The following ERICH5 variants were observed in gnomAD, a reference collection of about 807,000 sequenced individuals.
ERICH5 encodes the protein glutamate rich 5, also known as glutamate-rich protein 5.
A neutral mutation model predicts 28.0 loss-of-function variants in ERICH5; 24 were observed. That is an observed-to-expected ratio of 0.86 (90% CI 0.62 to 1.21). The LOEUF is 1.21. Ranked by LOEUF, ERICH5 falls within the 50% of genes most tolerant of loss-of-function variation. The probability of loss-of-function intolerance (pLI) is 0.00; values close to 1 mark genes in which losing one functional copy is unlikely to be tolerated. For synonymous variants in ERICH5, 163 were observed against 157.6 expected (o/e 1.03, Z -0.25); for missense variants, 421 against 441.2 (o/e 0.95, Z 0.41).
At chr8:98,082,395 CA>C (rs1229495978) in intron 1 of ERICH5, among the ~76,000 whole-genome samples, 1 of 152,078 alleles carries the variant, frequency 6.6e-6, no homozygotes, top group Non-Finnish European at 1.5e-5. Context: ...CCTGTAATCC[CA>C]ACACTTCAGG....
In ERICH5 at chr8:98,073,488, ATATATATATATATATATATATATATATG is replaced by A. The variant is rs1563753504; in HGVS notation, c.58+8789_58+8816del. 9.2e-3 allele frequency among the ~76,000 whole-genome samples: 23 copies of A among 2,502 alleles called. 2 individuals carry two copies. Among genetic ancestry groups the A allele is most frequent in the African/African-American group, 0.026 (17 of 650 alleles). The allele number at this position is 2,502 out of a possible 152,430, so 1.6% of individuals were successfully genotyped here. ...TATATATATATATATATATATATGT[ATATATATATATATATATATATATATATG>A]TATATATATATATATATATATATAT... On this transcript the variant is annotated intron_variant, in intron 1 of 2. Coordinates refer to ENST00000318528, the MANE Select transcript of ERICH5 (RefSeq NM_173549.3).
chr8:98,084,318 C>T (rs1212698217), intron 1 of ERICH5, among the ~76,000 whole-genome samples: 1 of 152,114 alleles, frequency 6.6e-6, no homozygotes, highest in Non-Finnish European at 1.5e-5. Flanking sequence ...TCCTATTTGC[C>T]CTGTGTCACT....
At position 98,089,210 on chromosome 8, in the gene ERICH5, C is replaced by A; in HGVS notation, c.193C>A (p.Leu65Ile). 6.2e-7 allele frequency: 1 copy of A among 1,614,092 alleles called. No individual in the cohort carries two copies. The highest frequency in any genetic ancestry group is 2.2e-5 in the East Asian group (1 of 44,886). The stretch of plus-strand genomic sequence containing the variant: ...GGAAAGCCGTCCTCCCTTACAAAAG[C>A]TCAAGGTTTCAGCAGAGCCTACAGC... Reference protein sequence around the residue: ...QRESRPPLQKLKVSAEPTANG... With the variant: ...QRESRPPLQKIKVSAEPTANG... The change falls in exon 2 of 3, where the codon CTC becomes ATC. Residue 65 changes from leucine to isoleucine, a missense_variant. Coordinates refer to ENST00000318528, the MANE Select transcript of ERICH5 (RefSeq NM_173549.3).
intron 2 of ERICH5, among the ~76,000 whole-genome samples, chr8:98,092,777 CTT>C (rs1038008713): frequency 3.4e-4 from 48 of 139,778 alleles, no homozygotes; most frequent in Admixed American, 5.8e-4. Context: ...TTTTCTTTTC[CTT>C]TTTTTTTTTT....
chr8:98,086,766 T>C (rs1194738706), intron 1 of ERICH5, among the ~76,000 whole-genome samples: 3 of 151,898 alleles, frequency 2.0e-5, no homozygotes, highest in Non-Finnish European at 2.9e-5. Context: ...CTGGCTAACA[T>C]GGTGAAACCC....
At chr8:98,074,843 A>C (rs181146925) in intron 1 of ERICH5, among the ~76,000 whole-genome samples, 9 of 152,266 alleles carry the variant, frequency 5.9e-5, no homozygotes, top group Non-Finnish European at 1.0e-4. Flanking sequence ...ACTAAAGTCC[A>C]TGCTTTAGTC....
In ERICH5 at chr8:98,091,881, TTTC is replaced by T. The variant is rs1350643922; in HGVS notation, c.1013-1337_1013-1335del. ...CTTTCTTTCTTTCTTTCTTTCTTTC[TTTC>T]TTTCTTTCTTTCTTTCCTTTCTTTC... On this transcript the variant is annotated intron_variant, in intron 2 of 2. Coordinates refer to ENST00000318528, the MANE Select transcript of ERICH5 (RefSeq NM_173549.3). 8.5e-5 allele frequency among the ~76,000 whole-genome samples: 8 copies of T among 93,962 alleles called. No individual in the cohort carries two copies. The East Asian group carries it at 1.3e-3, about 15-fold the overall frequency. The allele number at this position is 93,962 out of a possible 152,430, so 61.6% of individuals were successfully genotyped here. A position where few individuals can be genotyped will look rare whatever the true frequency, so the allele number is the denominator to read the frequency against.
At chr8:98,071,543 A>G (rs562233260) in intron 1 of ERICH5, among the ~76,000 whole-genome samples, 3 of 152,136 alleles carry the variant, frequency 2.0e-5, no homozygotes, top group Admixed American at 2.0e-4. Context: ...CAATGGTGCA[A>G]TCATAGCTCA....
intron 1 of ERICH5, among the ~76,000 whole-genome samples, chr8:98,088,828 C>A (rs1815326522): frequency 6.6e-6 from 1 of 152,138 alleles, no homozygotes; most frequent in African/African-American, 2.4e-5. Flanking sequence ...GCACAAGGAG[C>A]AAACAGGAGA....
At chr8:98,064,945 C>G (rs910850621) in intron 1 of ERICH5, among the ~76,000 whole-genome samples, 15 of 152,322 alleles carry the variant, frequency 9.8e-5, no homozygotes, top group Non-Finnish European at 2.1e-4. Flanking sequence ...GTGCGCTCCG[C>G]GGCGCTCGCT....
intron 1 of ERICH5, among the ~76,000 whole-genome samples, chr8:98,079,151 CTCTTTTTTTTTT>C (rs1815119123): frequency 8.4e-6 from 1 of 119,268 alleles, no homozygotes; most frequent in Admixed American, 9.4e-5. Flanking sequence ...CCACATTTTC[CTCTTTTTTTTTT>C]TCCTTTTTTT....
At chr8:98,091,848 C>CTT (rs1815393511) in intron 2 of ERICH5, among the ~76,000 whole-genome samples, 1 of 77,942 alleles carries the variant, frequency 1.3e-5, no homozygotes, top group Non-Finnish European at 2.6e-5. Context: ...TTCTTTCTTT[C>CTT]TTTCTTTCTT....
chr8:98,076,242 C>T (rs576402551), intron 1 of ERICH5, among the ~76,000 whole-genome samples: 4 of 152,066 alleles, frequency 2.6e-5, no homozygotes, highest in East Asian at 1.9e-4. Context: ...TTTGTACAGA[C>T]GGGATTTCAC....
intron 1 of ERICH5, among the ~76,000 whole-genome samples, chr8:98,079,433 C>G (rs2130521066): frequency 6.6e-6 from 1 of 152,076 alleles, no homozygotes; most frequent in African/African-American, 2.4e-5. Flanking sequence ...GAAATCAAAG[C>G]CAGCAAACAG....
intron 1 of ERICH5, among the ~76,000 whole-genome samples, chr8:98,071,630 A>G (rs1814921009): frequency 6.6e-6 from 1 of 152,114 alleles, no homozygotes; most frequent in African/African-American, 2.4e-5. Flanking sequence ...GGCATGACCC[A>G]CTGTGCCCCA....
intron 1 of ERICH5, among the ~76,000 whole-genome samples, chr8:98,087,258 GA>G (rs1160408074): frequency 5.3e-5 from 8 of 151,950 alleles, no homozygotes; most frequent in East Asian, 1.9e-4. Flanking sequence ...TAGCAACATA[GA>G]AAAAAAATTC....
chr8:98,077,775 G>A (rs1480289532), intron 1 of ERICH5, among the ~76,000 whole-genome samples: 1 of 151,954 alleles, frequency 6.6e-6, no homozygotes, highest in Non-Finnish European at 1.5e-5. Context: ...TCACTATGTT[G>A]CCCAGGCTCA....
At chr8:98,081,086 TTCTCTCTC>T (rs369795643) in intron 1 of ERICH5, among the ~76,000 whole-genome samples, 9 of 149,736 alleles carry the variant, frequency 6.0e-5, no homozygotes, top group East Asian at 2.0e-4. Context: ...CATAATTTCT[TTCTCTCTC>T]TCTCTCTCTC....
chr8:98,091,836 TTTTCTTTCTTTCTTTC>T lies in ERICH5; in HGVS notation c.1013-1336_1013-1321del, dbSNP rs3074382. 1.8e-3 allele frequency among the ~76,000 whole-genome samples: 195 copies of T among 107,282 alleles called. 5 individuals are homozygous for T. The highest frequency in any genetic ancestry group is 2.6e-3 in the African/African-American group (70 of 26,750). 70.4% of individuals were successfully genotyped at this position (107,282 alleles called of 152,430 possible). A position where few individuals can be genotyped will look rare whatever the true frequency, so the allele number is the denominator to read the frequency against. ...AGACTTTCTTTTTCTTTCTTTTTCTTTTTCTTTCTTTCTTTCTTTCTTTCTTTCTTTCTTTCTTTCT... is the reference window on the plus strand; with the variant it reads ...AGACTTTCTTTTTCTTTCTTTTTCTTTTTCTTTCTTTCTTTCTTTCTTTCT... On this transcript the variant is annotated intron_variant, in intron 2 of 2. Transcript: ENST00000318528.
Sources: allele counts gnomAD v4.1 joint callset (sites outside exome capture counted in the v4.1 genomes callset), GRCh38; gene constraint gnomAD v4.1.1; transcripts MANE v1.5; gene names NCBI Gene and HGNC (gene_info 2026-07-23, HGNC 2026-07-21).